Variants in SAMSN1 observed in about 807,000 individuals in gnomAD.
The protein encoded by SAMSN1 is SAM domain, SH3 domain and nuclear localization signals 1.
In SAMSN1, 31 loss-of-function variants were observed where a neutral mutation model predicts 42.0. The ratio of observed to expected loss-of-function variants is 0.74; its 90% confidence interval spans 0.55 to 1.00. The LOEUF is 1.00. SAMSN1 is among the 50% of genes least tolerant of loss of function. SAMSN1 has a pLI of 0.00. For missense variants in SAMSN1, 464 were observed against 439.4 expected (o/e 1.06, Z -0.50); for synonymous variants, 178 against 151.9 (o/e 1.17, Z -1.26).
intron 2 of SAMSN1, among the ~76,000 whole-genome samples, chr21:14,519,026 C>A (rs755200415): frequency 2.6e-5 from 4 of 152,160 alleles, no homozygotes; most frequent in African/African-American, 9.6e-5. Flanking sequence ...ACAGAAGCTA[C>A]AAAGAAATTA....
intron 3 of SAMSN1, among the ~76,000 whole-genome samples, chr21:14,515,424 G>A (rs58654449): frequency 0.031 from 4,721 of 152,078 alleles, 230 homozygotes; most frequent in African/African-American, 0.11. Context: ...AACAAATAGT[G>A]TAAGGACAAC....
chr21:14,496,926 G>C (rs886459762), intron 7 of SAMSN1, among the ~76,000 whole-genome samples: 2 of 152,150 alleles, frequency 1.3e-5, no homozygotes, highest in Non-Finnish European at 2.9e-5. Flanking sequence ...CCAGTGTATA[G>C]GAAACGTGTG....
chr21:14,524,265 G>A lies in SAMSN1; in HGVS notation c.58-3044C>T, dbSNP rs141462054. 3.4e-4 allele frequency among the ~76,000 whole-genome samples: 52 copies of A among 152,246 alleles called. No individual in the cohort carries two copies. In the East Asian group the frequency reaches 9.6e-3, roughly 28 times the overall value. On this transcript the variant is annotated intron_variant, in intron 1 of 7. Transcript: ENST00000400566. The stretch of plus-strand genomic sequence containing the variant: ...ATAATAGTACTTAATAAATGAGAAT[G>A]TGTTTGAATATTGATAATGTTGTTT...
upstream of SAMSN1, chr21:14,585,475 G>C (rs1216400058): frequency 1.3e-5 from 2 of 152,134 alleles, no homozygotes; most frequent in Admixed American, 6.5e-5. Flanking sequence ...CAGGGAAATG[G>C]AACTTTGTAT....
intron 1 of SAMSN1, among the ~76,000 whole-genome samples, chr21:14,537,775 T>C (rs1269233511): frequency 6.6e-6 from 1 of 152,156 alleles, no homozygotes; most frequent in Non-Finnish European, 1.5e-5. Context: ...ACCTAGAGCA[T>C]CATTTCCAAA....
chr21:14,586,286 A>AG (rs1981916970), upstream of SAMSN1, among the ~76,000 whole-genome samples: 1 of 147,356 alleles, frequency 6.8e-6, no homozygotes, highest in Non-Finnish European at 1.5e-5. Context: ...AAAGAAAAAG[A>AG]AAAAAAAAGA....
At chr21:14,515,293 T>C (rs946181569) in intron 3 of SAMSN1, among the ~76,000 whole-genome samples, 4 of 152,228 alleles carry the variant, frequency 2.6e-5, no homozygotes, top group African/African-American at 7.2e-5. Flanking sequence ...TAAAGTAGAA[T>C]TGGGAGTCCA....
chr21:14,525,590 C>G (rs1345936096), intron 1 of SAMSN1, among the ~76,000 whole-genome samples: 1 of 152,114 alleles, frequency 6.6e-6, no homozygotes, highest in Non-Finnish European at 1.5e-5. Flanking sequence ...TTTTAAATGA[C>G]TAGCTATTTG....
chr21:14,624,175 G>A (rs1029646152), intron 2 of SAMSN1, among the ~76,000 whole-genome samples: 1 of 152,034 alleles, frequency 6.6e-6, no homozygotes, highest in African/African-American at 2.4e-5. Context: ...GAGAAAGCAG[G>A]GAAGATCTAA....
intron 7 of SAMSN1, among the ~76,000 whole-genome samples, chr21:14,489,349 T>C (rs1986578542): frequency 6.6e-6 from 1 of 152,002 alleles, no homozygotes; most frequent in African/African-American, 2.4e-5. Flanking sequence ...TTTAAAAAAG[T>C]ATACATAATT....
At chr21:14,537,061 T>A (rs1979671626) in intron 1 of SAMSN1, among the ~76,000 whole-genome samples, 1 of 152,236 alleles carries the variant, frequency 6.6e-6, no homozygotes, top group Non-Finnish European at 1.5e-5. Context: ...CACTAAACTG[T>A]AGGCCAGATT....
chr21:14,499,193 T>C (rs187995969), intron 6 of SAMSN1, among the ~76,000 whole-genome samples: 64 of 152,280 alleles, frequency 4.2e-4, no homozygotes, highest in Middle Eastern at 3.4e-3. Flanking sequence ...AGAAGCACTG[T>C]AGTTGGGGAA....
intron 2 of SAMSN1, among the ~76,000 whole-genome samples, chr21:14,624,962 G>A (rs1475025740): frequency 1.3e-5 from 2 of 152,098 alleles, no homozygotes; most frequent in African/African-American, 4.8e-5. Flanking sequence ...GGGATGCAAG[G>A]CTGGTTCAAC....
chr21:14,626,167 A>G (rs1983164416), intron 2 of SAMSN1, among the ~76,000 whole-genome samples: 1 of 152,226 alleles, frequency 6.6e-6, no homozygotes, highest in Non-Finnish European at 1.5e-5. Flanking sequence ...ACCTAAAACC[A>G]TAAAAACCCT....
At position 14,523,839 on chromosome 21, in the gene SAMSN1, T is replaced by C. The variant is rs991107365; in HGVS notation, c.58-2618A>G. On this transcript the variant is annotated intron_variant, in intron 1 of 7. Transcript: ENST00000400566. ...ATTAAGTAATCAATAGCCACCACCT[T>C]TTAAAATTAATTCTCCCCTCATTAT... Among the ~76,000 whole-genome samples the C allele has an allele frequency of 1.2e-4, 18 of 152,238 alleles. No homozygotes were observed. The East Asian group carries it at 1.5e-3, about 13-fold the overall frequency.
intron 5 of SAMSN1, among the ~76,000 whole-genome samples, chr21:14,507,838 T>TAA (rs61217333): frequency 0.017 from 2,494 of 142,650 alleles, 61 homozygotes; most frequent in African/African-American, 0.055. Context: ...ATGGTACTGG[T>TAA]AAAAAAAAAA....
chr21:14,567,326 C>T (rs1490957196), intron 2 of SAMSN1, among the ~76,000 whole-genome samples: 8 of 149,618 alleles, frequency 5.3e-5, no homozygotes, highest in Admixed American at 2.0e-4. Context: ...AAAAAATGAC[C>T]CAGTCCAGAG....
intron 2 of SAMSN1, among the ~76,000 whole-genome samples, chr21:14,621,437 C>T (rs1309145809): frequency 6.6e-6 from 1 of 152,196 alleles, no homozygotes; most frequent in Non-Finnish European, 1.5e-5. Context: ...AATCGGGTCA[C>T]TCCCACCCTA....
chr21:14,493,969 G>A (rs1324200914), intron 7 of SAMSN1, among the ~76,000 whole-genome samples: 1 of 152,108 alleles, frequency 6.6e-6, no homozygotes, highest in African/African-American at 2.4e-5. Context: ...TCATCAGCTT[G>A]TTGGAGAAGC....
Sources: gnomAD v4.1 joint callset for allele counts (sites outside exome capture counted in the v4.1 genomes callset) on GRCh38, gnomAD v4.1.1 for gene constraint, MANE v1.5 for transcripts, NCBI Gene and HGNC (gene_info 2026-07-23, HGNC 2026-07-21) for gene names.